The following MINAR1 variants were observed in gnomAD, a reference collection of about 807,000 sequenced individuals.
MINAR1 encodes the protein major intrinsically disordered Notch2-binding receptor 1.
Under a neutral mutation model 65.1 loss-of-function variants are expected in MINAR1, and 40 were observed. That is an observed-to-expected ratio of 0.61 (90% CI 0.48 to 0.80). MINAR1 has a LOEUF of 0.80. MINAR1 is among the 30% of genes least tolerant of loss of function. The probability of loss-of-function intolerance (pLI) is 0.00; values close to 1 mark genes in which losing one functional copy is unlikely to be tolerated. For missense variants in MINAR1, 1,128 were observed against 1,148.0 expected (o/e 0.98, Z 0.25); for synonymous variants, 482 against 449.1 (o/e 1.07, Z -0.93).
In MINAR1 at chr15:79,468,734, AG is replaced by A. The variant is rs1895964949; in HGVS notation, c.*351del. ...TGATGATGTTTCATGGTGGGGAATA[AG>A]TTATACAGAAGATATTTAATACACG... On this transcript the variant is annotated 3_prime_UTR_variant, in exon 4 of 4. Transcript: ENST00000305428. 1.0e-5 allele frequency: 3 copies of A among 285,878 alleles called. No individual in the cohort carries two copies. The South Asian group carries it at 1.3e-4, about 12-fold the overall frequency. 17.7% of individuals were successfully genotyped at this position (285,878 alleles called of 1,614,324 possible).
At chr15:79,452,681 GGTGTGT>G (rs879444304) in intron 1 of MINAR1, among the ~76,000 whole-genome samples, 16,134 of 135,318 alleles carry the variant, frequency 0.12, 1,413 homozygotes, top group African/African-American at 0.25. Context: ...TATGAGTCTG[GGTGTGT>G]GTGTGTGGGT....
chr15:79,454,202 C>T (rs921523305), intron 1 of MINAR1, among the ~76,000 whole-genome samples: 3 of 152,128 alleles, frequency 2.0e-5, no homozygotes, highest in African/African-American at 7.2e-5. Context: ...AGGAACAGAA[C>T]CTCTCAAGGG....
chr15:79,421,488 C>T, the MINAR1 span: 1 of 152,320 alleles, frequency 6.6e-6, no homozygotes, highest in Admixed American at 6.5e-5. Context: ...CTCCCTTCAG[C>T]CACAGCAGGA....
chr15:79,431,421 A>G (rs1198598122), upstream of MINAR1, among the ~76,000 whole-genome samples: 1 of 150,024 alleles, frequency 6.7e-6, no homozygotes, highest in Admixed American at 6.6e-5. Flanking sequence ...GAAGGCCTCC[A>G]TTTCTGATCC....
intron 1 of MINAR1, among the ~76,000 whole-genome samples, chr15:79,443,028 T>G (rs1595935692): frequency 1.3e-5 from 2 of 152,154 alleles, no homozygotes; most frequent in South Asian, 2.1e-4. Flanking sequence ...CCGAGATGAC[T>G]GAACACTTGA....
At chr15:79,411,529 A>T in the MINAR1 span, 1 of 701,228 alleles carries the variant, frequency 1.4e-6, no homozygotes, top group Non-Finnish European at 2.6e-6. Context: ...GGAGGCACTG[A>T]GAGTGGATGG....
intron 3 of MINAR1, among the ~76,000 whole-genome samples, chr15:79,465,494 C>T (rs1895806775): frequency 6.6e-6 from 1 of 152,006 alleles, no homozygotes; most frequent in Non-Finnish European, 1.5e-5. Flanking sequence ...TACCTCTTTT[C>T]TACTTGGTGC....
At chr15:79,427,186 T>G in the MINAR1 span, 1 of 152,180 alleles carries the variant, frequency 6.6e-6, no homozygotes, top group African/African-American at 2.4e-5. Context: ...AAATAATGCA[T>G]GTTCTCACTT....
chr15:79,451,453 C>T (rs1445211261), intron 1 of MINAR1, among the ~76,000 whole-genome samples: 1 of 151,996 alleles, frequency 6.6e-6, no homozygotes, highest in African/African-American at 2.4e-5. Context: ...AGCAGGACTG[C>T]GGGAGGATGT....
rs1275057298 is a variant in MINAR1 at position 79,468,663 on chromosome 15, A to C, written c.*279A>C. 7 of 404,058 alleles carry C rather than the reference A, an allele frequency of 1.7e-5. No individual in the cohort carries two copies. Among genetic ancestry groups the C allele is most frequent in the African/African-American group, 1.4e-4 (7 of 49,854 alleles). The allele number at this position is 404,058 out of a possible 1,614,324, so 25.0% of individuals were successfully genotyped here. On this transcript the variant is annotated 3_prime_UTR_variant, in exon 4 of 4. Transcript: ENST00000305428. ...ATGGACTATCAATAAATACAAATTGAATATTCCAAGCCAAAAAAGGAAGAT... is the reference window on the plus strand; with the variant it reads ...ATGGACTATCAATAAATACAAATTGCATATTCCAAGCCAAAAAAGGAAGAT...
chr15:79,453,046 A>G (rs948619306), intron 1 of MINAR1, among the ~76,000 whole-genome samples: 1 of 138,116 alleles, frequency 7.2e-6, no homozygotes, highest in Non-Finnish European at 1.6e-5. Flanking sequence ...CCAGGCGGCT[A>G]TTTCTGCCTT....
intron 1 of MINAR1, among the ~76,000 whole-genome samples, chr15:79,439,639 C>T (rs1894811678): frequency 6.6e-6 from 1 of 151,786 alleles, no homozygotes; most frequent in African/African-American, 2.4e-5. Flanking sequence ...GCTGACTGCC[C>T]TGTGCTATGA....
Position 79,457,417 on chromosome 15 carries a change from C to A in MINAR1, c.1270C>A (p.Leu424Ile), listed in dbSNP as rs762572890. The A allele has an allele frequency of 6.2e-7, 1 of 1,614,190 alleles. No homozygotes were observed. The highest frequency in any genetic ancestry group is 8.5e-7 in the Non-Finnish European group (1 of 1,180,012). Reference sequence around the variant, plus strand: ...TGTGCCAAAGGATCAACAGCCAATTCTCCCCATTGCTTATGCGGCAAAACA... The same window carrying A: ...TGTGCCAAAGGATCAACAGCCAATTATCCCCATTGCTTATGCGGCAAAACA... ...YLVPKDQQPI[L>I]PIAYAAKQNG... is the part of the protein sequence containing the mutation. Residue 424 changes from leucine to isoleucine, a missense_variant, in exon 2 of 4, where the codon CTC (leucine) becomes ATC (isoleucine). Leu to Ile is a conservative substitution (Grantham distance 5). Transcript: ENST00000305428.
intron 1 of MINAR1, among the ~76,000 whole-genome samples, 180 bp downstream of exon 1, chr15:79,432,720 G>A (rs1894482587): frequency 1.3e-5 from 2 of 152,218 alleles, no homozygotes; most frequent in African/African-American, 4.8e-5. Context: ...GCGGAGGTGT[G>A]GGGGCCCTTG....
At chr15:79,421,123 G>A in the MINAR1 span, 36 of 152,252 alleles carry the variant, frequency 2.4e-4, 1 homozygote, top group African/African-American at 8.2e-4. Context: ...TTGGAAAAAA[G>A]TAATGCAGTA....
chr15:79,423,305 A>G, the MINAR1 span: 4 of 152,350 alleles, frequency 2.6e-5, no homozygotes, highest in South Asian at 6.2e-4. Flanking sequence ...GAATGTTAGC[A>G]TTGTATAAAA....
In MINAR1 at chr15:79,454,764, G is replaced by A. The variant is rs188178486; in HGVS notation, c.-50-1334G>A. 3.5e-4 allele frequency among the ~76,000 whole-genome samples: 54 copies of A among 152,302 alleles called. No homozygotes were observed. The East Asian group carries it at 7.5e-3, about 21-fold the overall frequency. On this transcript the variant is annotated intron_variant, in intron 1 of 3. Transcript: ENST00000305428. ...AAAAAAAACCTATAAAAATAACAGTGGTTGAACAGAAAAGGGCATGAGGAA... is the reference window on the plus strand; with the variant it reads ...AAAAAAAACCTATAAAAATAACAGTAGTTGAACAGAAAAGGGCATGAGGAA...
At chr15:79,415,259 T>C in the MINAR1 span, 1 of 152,214 alleles carries the variant, frequency 6.6e-6, no homozygotes, top group Non-Finnish European at 1.5e-5. Flanking sequence ...CAGAGACTGA[T>C]AGGCACCTAC....
chr15:79,464,705 C>G (rs989042137), intron 3 of MINAR1, among the ~76,000 whole-genome samples: 4 of 152,192 alleles, frequency 2.6e-5, no homozygotes, highest in African/African-American at 4.8e-5. Flanking sequence ...TGTCCAGACC[C>G]TGACAGTGAG....
Sources: allele counts gnomAD v4.1 joint callset (sites outside exome capture counted in the v4.1 genomes callset), GRCh38; gene constraint gnomAD v4.1.1; transcripts MANE v1.5; gene names NCBI Gene and HGNC (gene_info 2026-07-23, HGNC 2026-07-21).